SYT6: variants seen among roughly 807,000 people sequenced by gnomAD.
SYT6 encodes synaptotagmin 6, also known as synaptotagmin-6.
SYT6 carries 24 observed loss-of-function variants against 38.4 expected under a neutral mutation model. The observed-to-expected ratio is 0.62, with a 90% CI of 0.45 to 0.88. The LOEUF is 0.88. SYT6 is among the 40% of genes least tolerant of loss of function. SYT6 has a pLI of 0.00. For synonymous variants in SYT6, 265 were observed against 241.9 expected (o/e 1.10, Z -0.89); for missense variants, 611 against 621.0 (o/e 0.98, Z 0.17).
chr1:114,131,894 GA>G (rs1678180623), intron 3 of SYT6, among the ~76,000 whole-genome samples: 1 of 152,144 alleles, frequency 6.6e-6, no homozygotes, highest in Non-Finnish European at 1.5e-5. Context: ...AGTCCACAAA[GA>G]AAAAACAGAA....
intron 3 of SYT6, among the ~76,000 whole-genome samples, chr1:114,134,161 T>G (rs1218082316): frequency 6.6e-6 from 1 of 152,180 alleles, no homozygotes; most frequent in Non-Finnish European, 1.5e-5. Flanking sequence ...GGCTCTCTGC[T>G]TTGGTCCAGA....
chr1:114,119,832 GAGGCGGAGGC>G (rs1478218787), intron 3 of SYT6, among the ~76,000 whole-genome samples: 1 of 152,224 alleles, frequency 6.6e-6, no homozygotes, highest in Non-Finnish European at 1.5e-5. Context: ...AGCACTTTGG[GAGGCGGAGGC>G]AGGCGGATCA....
intron 3 of SYT6, among the ~76,000 whole-genome samples, chr1:114,107,797 C>T (rs886330913): frequency 2.0e-5 from 3 of 152,176 alleles, no homozygotes; most frequent in Non-Finnish European, 4.4e-5. Flanking sequence ...CAGTCAGATC[C>T]CACATGGCTT....
chr1:114,121,548 T>G (rs775060487), intron 3 of SYT6, among the ~76,000 whole-genome samples: 42 of 152,238 alleles, frequency 2.8e-4, no homozygotes, highest in Admixed American at 4.6e-4. Flanking sequence ...AATGGGCTTA[T>G]AGTGAAACGT....
intron 7 of SYT6, among the ~76,000 whole-genome samples, chr1:114,092,748 G>C (rs10494166): frequency 1.3e-5 from 2 of 151,890 alleles, no homozygotes; most frequent in Non-Finnish European, 2.9e-5. Flanking sequence ...GTAATGAGGC[G>C]TAATGGAGTG....
At chr1:114,100,073 C>T (rs1018423341) in intron 4 of SYT6, among the ~76,000 whole-genome samples, 1 of 152,098 alleles carries the variant, frequency 6.6e-6, no homozygotes, top group Non-Finnish European at 1.5e-5. Context: ...TGCCTCCCAT[C>T]CTTTTGTTTT....
At chr1:114,134,262 C>CT (rs1678348191) in intron 3 of SYT6, among the ~76,000 whole-genome samples, 1 of 152,190 alleles carries the variant, frequency 6.6e-6, no homozygotes, top group East Asian at 1.9e-4. Context: ...CCAAGCCTGG[C>CT]TCTAAGCCAT....
intron 1 of SYT6, among the ~76,000 whole-genome samples, chr1:114,149,240 T>TGTGCGCGCGTGTG (rs369263313): frequency 6.8e-6 from 1 of 146,888 alleles, no homozygotes; most frequent in Admixed American, 6.8e-5. Flanking sequence ...TGTGTGTGTG[T>TGTGCGCGCGTGTG]TGGGAGAACA....
intron 6 of SYT6, among the ~76,000 whole-genome samples, chr1:114,096,506 C>G (rs1393162311): frequency 5.3e-5 from 8 of 152,182 alleles, no homozygotes; most frequent in Admixed American, 1.3e-4. Context: ...CCTCCATCCC[C>G]CAACAACTGA....
Position 114,105,025 on chromosome 1 carries a change from T to C in SYT6, c.1072-1304A>G, listed in dbSNP as rs1474383012. On this transcript the variant is annotated intron_variant, in intron 3 of 7. Transcript: ENST00000610222. ...CTCTAGTAGTCCCCAGTGTCTATTG[T>C]TGCCATCTTTACGAGTGGAGCTTAC... 2.6e-5 allele frequency among the ~76,000 whole-genome samples: 4 copies of C among 151,948 alleles called. No individual in the cohort carries two copies. In the East Asian group the frequency reaches 7.8e-4, roughly 30 times the overall value.
At chr1:114,118,280 A>G (rs932814548) in intron 3 of SYT6, among the ~76,000 whole-genome samples, 4 of 152,238 alleles carry the variant, frequency 2.6e-5, no homozygotes, top group Non-Finnish European at 5.9e-5. Context: ...TACAGGCCGC[A>G]TGTTCTGCCA....
intron 3 of SYT6, among the ~76,000 whole-genome samples, chr1:114,123,909 G>T (rs932815398): frequency 6.6e-6 from 1 of 152,144 alleles, no homozygotes; most frequent in Non-Finnish European, 1.5e-5. Context: ...CTGTGGAGTG[G>T]CATCCTCTGT....
intron 6 of SYT6, 64 bp from the exon 7 acceptor site, chr1:114,093,867 G>C: frequency 6.6e-7 from 1 of 1,506,934 alleles, no homozygotes; most frequent in South Asian, 1.1e-5. Context: ...TCTGACTCAA[G>C]TGTTTCTTAA....
At position 114,153,719 on chromosome 1, in the gene SYT6, G is replaced by A; in HGVS notation, c.54C>T (p.Val18=). 1.5e-6 allele frequency: 1 copy of A among 682,484 alleles called. No individual in the cohort carries two copies. The highest frequency in any genetic ancestry group is 1.9e-5 in the African/African-American group (1 of 53,982). The allele number at this position is 682,484 out of a possible 1,614,324, so 42.3% of individuals were successfully genotyped here. The change falls in exon 1 of 8, where the codon GTC becomes GTT. Residue 18 remains valine (V), a synonymous_variant. Coordinates refer to ENST00000610222, the MANE Select transcript of SYT6 (RefSeq NM_001253772.2). The stretch of plus-strand genomic sequence containing the variant: ...GCCGGGCCCGGCACAGCGAGGCGAG[G>A]ACCGCGAGCGCCTCCTGGCACCGAG... ...GGPRCQEALA[V]LASLCRARPP...
intron 1 of SYT6, among the ~76,000 whole-genome samples, chr1:114,140,543 G>C (rs916089605): frequency 3.9e-5 from 6 of 152,234 alleles, no homozygotes; most frequent in Middle Eastern, 3.4e-3. Context: ...TTGACTTCAA[G>C]TGAATGAGAT....
At position 114,097,856 on chromosome 1, in the gene SYT6, T is replaced by G; in HGVS notation, c.1386A>C (p.Ile462=). 6.2e-7 allele frequency: 1 copy of G among 1,614,178 alleles called. No individual in the cohort carries two copies. Among genetic ancestry groups the G allele is most frequent in the Non-Finnish European group, 8.5e-7 (1 of 1,180,016 alleles). Residue 462 remains isoleucine, a synonymous_variant, in exon 6 of 8, where the codon ATA becomes ATC. Transcript: ENST00000610222. ...CAGTGATCCCCACACGACAGACTCC[T>G]ATGATCTCATTGTGGCCCACTCTGA... is the stretch of plus-strand genomic sequence containing the variant. ...DYDRVGHNEI[I]GVCRVGITAE...
At chr1:114,096,256 G>A (rs547002908) in intron 6 of SYT6, among the ~76,000 whole-genome samples, 1 of 152,170 alleles carries the variant, frequency 6.6e-6, no homozygotes, top group African/African-American at 2.4e-5. Flanking sequence ...CTGCAGAAAG[G>A]TCTTTCTGGA....
intron 3 of SYT6, among the ~76,000 whole-genome samples, chr1:114,123,859 C>G (rs1010742852): frequency 6.6e-6 from 1 of 152,244 alleles, no homozygotes; most frequent in Non-Finnish European, 1.5e-5. Flanking sequence ...CTTGCACAGG[C>G]CCCTCCCCGG....
At chr1:114,149,485 G>A (rs1267823520) in intron 1 of SYT6, among the ~76,000 whole-genome samples, 1 of 152,082 alleles carries the variant, frequency 6.6e-6, no homozygotes, top group East Asian at 1.9e-4. Flanking sequence ...AAGCTGTGAT[G>A]AGGAGAGACA....
Sources: allele counts gnomAD v4.1 joint callset (sites outside exome capture counted in the v4.1 genomes callset), GRCh38; gene constraint gnomAD v4.1.1; transcripts MANE v1.5; gene names NCBI Gene and HGNC (gene_info 2026-07-23, HGNC 2026-07-21).